The following CHST12 variants were observed in gnomAD, a reference collection of about 807,000 sequenced individuals.
CHST12 encodes the protein carbohydrate (chondroitin 4) sulfotransferase 12.
A neutral mutation model predicts 27.9 loss-of-function variants in CHST12; 23 were observed. That is an observed-to-expected ratio of 0.82 (90% CI 0.59 to 1.17). CHST12 has a LOEUF of 1.17. Among genes scored for constraint, CHST12 ranks in the 50% most tolerant of loss-of-function variants. The pLI is 0.00. For synonymous variants in CHST12, 322 were observed against 273.0 expected (o/e 1.18, Z -1.77); for missense variants, 682 against 603.0 (o/e 1.13, Z -1.37).
chr7:2,426,628 G>C (rs575037037), intron 1 of CHST12, among the ~76,000 whole-genome samples: 2 of 151,770 alleles, frequency 1.3e-5, no homozygotes, highest in East Asian at 3.9e-4. Context: ...GAGGTTAGCT[G>C]TAGGTTTTTT....
At position 2,433,094 on chromosome 7, in the gene CHST12, C is replaced by T. The variant is rs1477486505; in HGVS notation, c.455C>T (p.Ser152Leu). 8 of 1,612,458 alleles carry T rather than the reference C, an allele frequency of 5.0e-6. No homozygotes were observed. Among genetic ancestry groups the T allele is most frequent in the East Asian group, 4.5e-5 (2 of 44,858 alleles). ...KERAFDDIPN[S>L]ELSHLIVDDR... ...CGCGCATTCGACGACATCCCCAACT[C>T]GGAGCTGAGCCACCTGATCGTGGAC... The change falls in exon 2 of 2, where the codon TCG becomes TTG. Residue 152 changes from serine (S) to leucine (L), a missense_variant. Transcript: ENST00000618655. The surrounding 1 kb of genome is among the most constrained non-coding windows in gnomAD (Gnocchi z 6.1).
At chr7:2,415,098 G>C (rs865952486) in intron 1 of CHST12, among the ~76,000 whole-genome samples, 1 of 152,214 alleles carries the variant, frequency 6.6e-6, no homozygotes, top group Non-Finnish European at 1.5e-5. Flanking sequence ...AGGTGTGGTG[G>C]CTCACGCCTC....
rs1343406976 is a variant in CHST12 at position 2,434,107 on chromosome 7, C to T, written c.*223C>T. On this transcript the variant is annotated 3_prime_UTR_variant, in exon 2 of 2. Coordinates refer to ENST00000618655, the MANE Select transcript of CHST12 (RefSeq NM_018641.5). ...TAAAATATCCCCTCTCCCCTCCGCCCGCCCACCCGCCCGCCCGCTCGCCCG... is the reference window on the plus strand; with the variant it reads ...TAAAATATCCCCTCTCCCCTCCGCCTGCCCACCCGCCCGCCCGCTCGCCCG... 1.1e-4 allele frequency: 42 copies of T among 380,128 alleles called. No homozygotes were observed. In the African/African-American group the frequency reaches 1.1e-3, roughly 10 times the overall value. 23.5% of individuals were successfully genotyped at this position (380,128 alleles called of 1,614,324 possible).
intron 1 of CHST12, among the ~76,000 whole-genome samples, chr7:2,406,496 T>G (rs1583204770): frequency 8.1e-5 from 1 of 12,342 alleles, no homozygotes; most frequent in Non-Finnish European, 1.4e-4. Context: ...GGGGCACAGT[T>G]GAGTACGGGG....
In CHST12 at chr7:2,433,895, G is replaced by A. The variant is rs753984671; in HGVS notation, c.*11G>A. ...CTCCTCCGAGACTGAAAGCTTTCGC[G>A]TTGCTTTTTCTCGCGTGCCTGGAAC... On this transcript the variant is annotated 3_prime_UTR_variant, in exon 2 of 2. Transcript: ENST00000618655. The surrounding 1 kb of genome is among the most constrained non-coding windows in gnomAD (Gnocchi z 6.1). 1.9e-6 allele frequency: 3 copies of A among 1,549,508 alleles called. No individual in the cohort carries two copies. Among genetic ancestry groups the A allele is most frequent in the Non-Finnish European group, 2.6e-6 (3 of 1,145,964 alleles).
rs534533850 is a variant in CHST12, at chr7:2,446,533, A to G, written c.*12649A>G. On this transcript the variant is annotated 3_prime_UTR_variant, in exon 2 of 2. Coordinates refer to ENST00000618655, the MANE Select transcript of CHST12 (RefSeq NM_018641.5). The stretch of plus-strand genomic sequence containing the variant: ...TCCCTCAGGGCTCAGCGCTGCGGCT[A>G]TGTCCAGGGACCCCTGGCTGTGCCC... 1.4e-4 allele frequency: 21 copies of G among 152,776 alleles called. No homozygotes were observed. Among genetic ancestry groups the G allele is most frequent in the African/African-American group, 4.8e-4 (20 of 41,580 alleles). The allele number at this position is 152,776 out of a possible 1,614,324, so 9.5% of individuals were successfully genotyped here.
rs1251495674 is a variant in CHST12 at position 2,433,892 on chromosome 7, C to A, written c.*8C>A. On this transcript the variant is annotated 3_prime_UTR_variant, in exon 2 of 2. Coordinates refer to ENST00000618655, the MANE Select transcript of CHST12 (RefSeq NM_018641.5). This position sits in a 1 kb window ranked among gnomAD's most constrained non-coding sequence, Gnocchi z 6.1. ...AACCTCCTCCGAGACTGAAAGCTTT[C>A]GCGTTGCTTTTTCTCGCGTGCCTGG... The A allele has an allele frequency of 1.9e-6, 3 of 1,551,014 alleles. No individual in the cohort carries two copies. Among genetic ancestry groups the A allele is most frequent in the Non-Finnish European group, 2.6e-6 (3 of 1,146,364 alleles).
intron 1 of CHST12, among the ~76,000 whole-genome samples, chr7:2,425,398 T>C (rs1034475339): frequency 1.3e-5 from 2 of 152,160 alleles, no homozygotes; most frequent in Admixed American, 1.3e-4. Context: ...TCATAGCCAC[T>C]GAAAATGGAT....
rs1000759977 is a variant in CHST12 at position 2,446,049 on chromosome 7, C to G, written c.*12165C>G. 6.6e-6 allele frequency: 1 copy of G among 152,392 alleles called. No individual in the cohort carries two copies. Among genetic ancestry groups the G allele is most frequent in the South Asian group, 2.1e-4 (1 of 4,834 alleles). 9.4% of individuals were successfully genotyped at this position (152,392 alleles called of 1,614,324 possible). A position where few individuals can be genotyped will look rare whatever the true frequency, so the allele number is the denominator to read the frequency against. ...TTGCCCAGACCTCTCAAGGGCACTT[C>G]GTGGGACCATTGCCGGCCGTTGTGG... On this transcript the variant is annotated 3_prime_UTR_variant, in exon 2 of 2. Transcript: ENST00000618655.
At chr7:2,422,838 T>C (rs1458302860) in intron 1 of CHST12, among the ~76,000 whole-genome samples, 2 of 150,044 alleles carry the variant, frequency 1.3e-5, no homozygotes, top group Non-Finnish European at 2.9e-5. Flanking sequence ...GCAGCCCTGC[T>C]TTGCTGCTTT....
chr7:2,416,219 A>G (rs1265759496), intron 1 of CHST12, among the ~76,000 whole-genome samples: 2 of 152,188 alleles, frequency 1.3e-5, no homozygotes, highest in Non-Finnish European at 2.9e-5. Flanking sequence ...AGCTTTGAAC[A>G]TGAGATTGCA....
intron 1 of CHST12, among the ~76,000 whole-genome samples, chr7:2,408,782 G>A (rs1781591431): frequency 6.6e-6 from 1 of 152,190 alleles, no homozygotes; most frequent in Non-Finnish European, 1.5e-5. Context: ...GAGAGAGACT[G>A]GCTGGTGGGA....
intron 1 of CHST12, among the ~76,000 whole-genome samples, chr7:2,404,937 A>G (rs1781483853): frequency 6.6e-6 from 1 of 152,224 alleles, no homozygotes; most frequent in African/African-American, 2.4e-5. Context: ...GCTCACGGCC[A>G]GCCTGGCTAC....
chr7:2,426,738 TC>T lies in CHST12; in HGVS notation c.-77-5822del, dbSNP rs540487263. ...CGGGTGTGGTGGCTTATGCCTGTAA[TC>T]CCAGCACTTTGGAGGCCGAGGAAGG... is the stretch of plus-strand genomic sequence containing the variant. On this transcript the variant is annotated intron_variant, in intron 1 of 1. Coordinates refer to ENST00000618655, the MANE Select transcript of CHST12 (RefSeq NM_018641.5). Among the ~76,000 whole-genome samples the T allele has an allele frequency of 7.3e-3, 1,117 of 152,062 alleles. 21 individuals carry two copies. The highest frequency in any genetic ancestry group is 0.022 in the African/African-American group (903 of 41,456).
intron 1 of CHST12, among the ~76,000 whole-genome samples, chr7:2,406,364 C>A (rs1284687135): frequency 1.0e-5 from 1 of 98,174 alleles, no homozygotes; most frequent in Non-Finnish European, 2.0e-5. Context: ...CAGTTGAGTA[C>A]GGGGTGGGGG....
At position 2,441,403 on chromosome 7, in the gene CHST12, A is replaced by G. The variant is rs555091706; in HGVS notation, c.*7519A>G. The G allele has an allele frequency of 6.6e-6, 1 of 152,330 alleles. No individual in the cohort carries two copies. Among genetic ancestry groups the G allele is most frequent in the East Asian group, 1.9e-4 (1 of 5,188 alleles). 9.4% of individuals were successfully genotyped at this position (152,330 alleles called of 1,614,324 possible). A position where few individuals can be genotyped will look rare whatever the true frequency, so the allele number is the denominator to read the frequency against. The stretch of plus-strand genomic sequence containing the variant: ...CTTCACTCGTTTAAATAGTAATGAT[A>G]AGAATATGGCTGCAGGGGGCAGCTT... On this transcript the variant is annotated 3_prime_UTR_variant, in exon 2 of 2. Coordinates refer to ENST00000618655, the MANE Select transcript of CHST12 (RefSeq NM_018641.5).
intron 1 of CHST12, among the ~76,000 whole-genome samples, chr7:2,427,001 A>G (rs901266233): frequency 6.0e-5 from 9 of 149,516 alleles, no homozygotes; most frequent in Admixed American, 2.7e-4. Flanking sequence ...ACAAAAGAAA[A>G]AGAGAGAGAG....
rs1032218337 is a variant in CHST12, at chr7:2,441,470, A to G, written c.*7586A>G. ...CATTTTGGGAGCTCAAGGCAGGAGT[A>G]TTGCTTGAGCCCAGAAGTTTGAGAC... is the stretch of plus-strand genomic sequence containing the variant. On this transcript the variant is annotated 3_prime_UTR_variant, in exon 2 of 2. Transcript: ENST00000618655. 12 of 152,366 alleles carry G rather than the reference A, an allele frequency of 7.9e-5. No individual in the cohort carries two copies. The highest frequency in any genetic ancestry group is 3.4e-3 in the Middle Eastern group (1 of 294). The allele number at this position is 152,366 out of a possible 1,614,324, so 9.4% of individuals were successfully genotyped here.
At chr7:2,407,308 T>C (rs1457404107) in intron 1 of CHST12, among the ~76,000 whole-genome samples, 4 of 151,512 alleles carry the variant, frequency 2.6e-5, no homozygotes, top group Non-Finnish European at 4.4e-5. Context: ...ATTAGCCAGG[T>C]GTGGTGGTGT....
Sources: allele counts gnomAD v4.1 joint callset (sites outside exome capture counted in the v4.1 genomes callset), GRCh38; gene constraint gnomAD v4.1.1; non-coding constraint Gnocchi (gnomAD v3.1); transcripts MANE v1.5; gene names NCBI Gene and HGNC (gene_info 2026-07-23, HGNC 2026-07-21).